Variants in STK40 observed in about 807,000 individuals in gnomAD.
STK40 encodes serine/threonine-protein kinase 40.
Under a neutral mutation model 47.9 loss-of-function variants are expected in STK40, and 13 were observed. The observed-to-expected ratio is 0.27, with a 90% CI of 0.18 to 0.43. The LOEUF (loss-of-function observed/expected upper bound fraction) is 0.43. Ranked by LOEUF, STK40 falls within the 20% of genes least tolerant of loss-of-function variation. STK40 has a pLI of 1.00. For missense variants in STK40, 460 were observed against 595.1 expected, an observed-to-expected ratio of 0.77 and a Z score of 2.36; for synonymous variants, 225 against 243.2, an observed-to-expected ratio of 0.93 and a Z score of 0.69.
chr1:36,372,423 C>CAAAAAAAAAAAAAAA (rs796595993), intron 1 of STK40, among the ~76,000 whole-genome samples: 3 of 39,596 alleles, frequency 7.6e-5, no homozygotes, highest in South Asian at 1.1e-3. Context: ...GACCTTGTCT[C>CAAAAAAAAAAAAAAA]AAAAAAAAAA....
intron 7 of STK40, among the ~76,000 whole-genome samples, chr1:36,346,187 G>A (rs1171005309): frequency 6.6e-6 from 1 of 150,840 alleles, no homozygotes; most frequent in African/African-American, 2.4e-5. Flanking sequence ...GTAGAAACAG[G>A]GTTTCACTGA....
chr1:36,373,989 C>T (rs185687521), intron 1 of STK40, among the ~76,000 whole-genome samples: 4 of 152,302 alleles, frequency 2.6e-5, no homozygotes, highest in Admixed American at 6.5e-5. Flanking sequence ...GTGGGAGGGG[C>T]GGTCAGCAAG....
intron 10 of STK40, chr1:36,342,864 G>T: frequency 2.9e-6 from 1 of 338,984 alleles, no homozygotes; most frequent in South Asian, 3.3e-5. Flanking sequence ...GCTGTTGCTC[G>T]GCCAAGCCCT....
chr1:36,378,015 T>C (rs534659258), intron 1 of STK40, among the ~76,000 whole-genome samples: 1 of 152,340 alleles, frequency 6.6e-6, no homozygotes, highest in African/African-American at 2.4e-5. Flanking sequence ...AGGAAGTGAC[T>C]TGTTCAAGGT....
At chr1:36,345,991 A>ATCTTTTTTTTTTT in intron 7 of STK40, among the ~76,000 whole-genome samples, 1 of 26,468 alleles carries the variant, frequency 3.8e-5, no homozygotes, top group Non-Finnish European at 6.9e-5. Flanking sequence ...ATATATATAT[A>ATCTTTTTTTTTTT]TTTTTTTTTT....
intron 1 of STK40, among the ~76,000 whole-genome samples, chr1:36,385,048 T>C (rs1044560097): frequency 6.6e-6 from 1 of 152,120 alleles, no homozygotes; most frequent in African/African-American, 2.4e-5. Context: ...GGGATTGGGG[T>C]GGGCAGAAAA....
At chr1:36,384,031 CTTTTT>C (rs35654052) in intron 1 of STK40, among the ~76,000 whole-genome samples, 2 of 131,944 alleles carry the variant, frequency 1.5e-5, no homozygotes. Context: ...TCTTCTTCTT[CTTTTT>C]TTTTTTTTTT....
In STK40 at chr1:36,344,205, T is replaced by C. The variant is rs572867841; in HGVS notation, c.799A>G (p.Met267Val). 101 of 1,611,808 alleles carry C rather than the reference T, an allele frequency of 6.3e-5. No homozygotes were observed. Among genetic ancestry groups the C allele is most frequent in the Non-Finnish European group, 1.2e-5 (14 of 1,179,530 alleles). Residue 267 changes from methionine (M) to valine (V), a missense_variant, in exon 8 of 11, where the codon ATG becomes GTG. This residue lies in a region of STK40 where 277 missense variants were observed against 358.7 expected (regional missense o/e 0.77). Coordinates refer to ENST00000373132, the MANE Select transcript of STK40 (RefSeq NM_001282547.2). ...MWALGVVLFT[M>V]LYGQFPFYDS... is the part of the protein sequence containing the mutation. The stretch of plus-strand genomic sequence containing the variant: ...TAGAAGGGGAACTGGCCATACAGCA[T>C]GGTGAAGAGCACCACGCCCAGGGCC...
intron 1 of STK40, chr1:36,367,972 C>T: frequency 2.8e-6 from 2 of 720,420 alleles, no homozygotes; most frequent in Non-Finnish European, 3.4e-6. Flanking sequence ...GAATTCAGAC[C>T]TGGTGCCTCC....
At chr1:36,381,992 T>A (rs1279326639) in intron 1 of STK40, among the ~76,000 whole-genome samples, 1 of 152,108 alleles carries the variant, frequency 6.6e-6, no homozygotes, top group Admixed American at 6.5e-5. Context: ...ATCCTCCTCC[T>A]GCCCCCAGGA....
At chr1:36,380,363 C>A (rs953790951) in intron 1 of STK40, among the ~76,000 whole-genome samples, 2 of 152,228 alleles carry the variant, frequency 1.3e-5, no homozygotes, top group Admixed American at 6.5e-5. Flanking sequence ...ATAGTCCAAT[C>A]CAGCTGAGGG....
chr1:36,348,270 C>T (rs1230300046), intron 7 of STK40, among the ~76,000 whole-genome samples: 1 of 152,280 alleles, frequency 6.6e-6, no homozygotes, highest in Non-Finnish European at 1.5e-5. Flanking sequence ...GCGCACCTCT[C>T]TGGCTTCCCC....
In STK40 at chr1:36,342,955, T is replaced by C. The variant is rs1233762221; in HGVS notation, c.1089+409A>G. On this transcript the variant is annotated intron_variant, in intron 10 of 10. Transcript: ENST00000373132. ...TCTGCCCCCACCCTAGGCCCAACACTTTCTCCAGTGCAGGGAATGGGGAGG... is the reference window on the plus strand; with the variant it reads ...TCTGCCCCCACCCTAGGCCCAACACCTTCTCCAGTGCAGGGAATGGGGAGG... 2.9e-5 allele frequency: 16 copies of C among 560,136 alleles called. No homozygotes were observed. In the Admixed American group the frequency reaches 5.1e-4, roughly 18 times the overall value. The allele number at this position is 560,136 out of a possible 1,614,324, so 34.7% of individuals were successfully genotyped here.
In STK40 at chr1:36,341,185, G is replaced by A. The variant is rs1362362672; in HGVS notation, c.*570C>T. ...CCACCTAGAGATGGGAGAGAAGTTG[G>A]TATGGTAAAAAAATAAATATATTTG... On this transcript the variant is annotated 3_prime_UTR_variant, in exon 11 of 11. Transcript: ENST00000373132. 1 of 153,414 alleles carries A rather than the reference G, an allele frequency of 6.5e-6. No homozygotes were observed. The highest frequency in any genetic ancestry group is 2.4e-5 in the African/African-American group (1 of 41,436). 9.5% of individuals were successfully genotyped at this position (153,414 alleles called of 1,614,324 possible).
At chr1:36,371,815 G>A (rs1362436916) in intron 1 of STK40, among the ~76,000 whole-genome samples, 1 of 151,690 alleles carries the variant, frequency 6.6e-6, no homozygotes, top group Non-Finnish European at 1.5e-5. Context: ...GGCCAACATG[G>A]TGAAACCCCA....
intron 1 of STK40, among the ~76,000 whole-genome samples, chr1:36,376,396 C>G (rs942917435): frequency 2.0e-5 from 3 of 152,150 alleles, no homozygotes; most frequent in African/African-American, 7.2e-5. Flanking sequence ...CCATAGCCAA[C>G]AAAGAAAAAG....
intron 1 of STK40, among the ~76,000 whole-genome samples, chr1:36,384,106 T>G (rs1208941620): frequency 6.6e-6 from 1 of 151,868 alleles, no homozygotes; most frequent in Non-Finnish European, 1.5e-5. Flanking sequence ...CTCGGCTCAC[T>G]GCAACCTCTG....
At chr1:36,374,045 G>T (rs746918062) in intron 1 of STK40, among the ~76,000 whole-genome samples, 1 of 152,230 alleles carries the variant, frequency 6.6e-6, no homozygotes, top group Non-Finnish European at 1.5e-5. Context: ...CTCTGCCACC[G>T]CTGCCTTTCC....
intron 7 of STK40, among the ~76,000 whole-genome samples, chr1:36,346,754 GC>G (rs1271426326): frequency 1.3e-5 from 2 of 152,244 alleles, no homozygotes; most frequent in Non-Finnish European, 2.9e-5. Flanking sequence ...GCTGGCAACA[GC>G]AGGGAGGGCC....
Sources: allele counts gnomAD v4.1 joint callset (sites outside exome capture counted in the v4.1 genomes callset), GRCh38; gene constraint gnomAD v4.1.1; regional missense constraint gnomAD v4.1.1; transcripts MANE v1.5; gene names NCBI Gene and HGNC (gene_info 2026-07-23, HGNC 2026-07-21).